The following SUGCT variants were observed in gnomAD, a reference collection of about 807,000 sequenced individuals.
SUGCT encodes succinyl-CoA:glutarate CoA-transferase.
In SUGCT, 41 loss-of-function variants were observed where a neutral mutation model predicts 55.0. That is an observed-to-expected ratio of 0.74 (90% CI 0.58 to 0.97). The LOEUF is 0.97. SUGCT is among the 50% of genes least tolerant of loss of function. The pLI, the probability that SUGCT is intolerant of heterozygous loss-of-function variation, is 0.00. For synonymous variants in SUGCT, 187 were observed against 200.4 expected (o/e 0.93, Z 0.56); for missense variants, 568 against 547.8 (o/e 1.04, Z -0.37).
intron 6 of SUGCT, among the ~76,000 whole-genome samples, chr7:40,214,913 C>CA (rs960681658): frequency 0.023 from 2,466 of 109,106 alleles, 21 homozygotes; most frequent in Non-Finnish European, 0.026. Flanking sequence ...GACTCTGTCT[C>CA]AAAAAAAAAA....
chr7:40,798,080 G>T (rs941004617), intron 13 of SUGCT, among the ~76,000 whole-genome samples: 1 of 152,130 alleles, frequency 6.6e-6, no homozygotes, highest in Non-Finnish European at 1.5e-5. Flanking sequence ...CAGCAACTCT[G>T]ATTGAATCCT....
At chr7:40,213,051 CT>C (rs1307042790) in intron 6 of SUGCT, among the ~76,000 whole-genome samples, 1 of 152,074 alleles carries the variant, frequency 6.6e-6, no homozygotes, top group East Asian at 1.9e-4. Flanking sequence ...TGAAGGTTTT[CT>C]TTCTATAGGT....
chr7:40,346,503 G>A (rs1253628288), intron 9 of SUGCT, among the ~76,000 whole-genome samples: 2 of 152,132 alleles, frequency 1.3e-5, no homozygotes, highest in African/African-American at 2.4e-5. Context: ...CAGTTTTCTG[G>A]TTGTGTGATC....
At chr7:40,888,733 A>G in the SUGCT span, among the ~76,000 whole-genome samples, 2 of 152,198 alleles carry the variant, frequency 1.3e-5, no homozygotes. Flanking sequence ...CAGACCACAG[A>G]TAGGTACTGC....
chr7:40,278,881 C>T (rs1364617870), intron 8 of SUGCT, among the ~76,000 whole-genome samples: 2 of 150,818 alleles, frequency 1.3e-5, no homozygotes, highest in African/African-American at 2.4e-5. Context: ...GGTTGGAATG[C>T]AGTGGTGCAA....
intron 12 of SUGCT, among the ~76,000 whole-genome samples, chr7:40,731,246 C>T (rs1465239429): frequency 2.0e-5 from 3 of 152,112 alleles, no homozygotes; most frequent in South Asian, 2.1e-4. Flanking sequence ...GCTACATGGT[C>T]GAACATAATA....
intron 9 of SUGCT, among the ~76,000 whole-genome samples, chr7:40,344,195 T>C (rs1273653790): frequency 6.6e-6 from 1 of 152,218 alleles, no homozygotes; most frequent in Non-Finnish European, 1.5e-5. Context: ...CATGAGTTCA[T>C]AGAACGATGC....
intron 9 of SUGCT, among the ~76,000 whole-genome samples, chr7:40,425,753 T>G (rs1189960604): frequency 2.6e-5 from 4 of 152,062 alleles, no homozygotes; most frequent in Non-Finnish European, 5.9e-5. Context: ...TGATCTCAGG[T>G]ATGTTCACAT....
At chr7:40,729,307 A>C (rs1786772450) in intron 12 of SUGCT, among the ~76,000 whole-genome samples, 2 of 152,248 alleles carry the variant, frequency 1.3e-5, no homozygotes, top group African/African-American at 4.8e-5. Flanking sequence ...AAGGTCAGTG[A>C]GCATGTCCCC....
chr7:40,768,604 G>A (rs144183718), intron 13 of SUGCT, among the ~76,000 whole-genome samples: 53 of 152,080 alleles, frequency 3.5e-4, no homozygotes, highest in East Asian at 2.9e-3. Flanking sequence ...AATAGCAAAC[G>A]TTGCTTCATA....
intron 12 of SUGCT, among the ~76,000 whole-genome samples, chr7:40,562,848 C>T (rs1795917732): frequency 6.6e-6 from 1 of 152,176 alleles, no homozygotes; most frequent in African/African-American, 2.4e-5. Flanking sequence ...TTAAGAGAAA[C>T]AGTAGAGATT....
At chr7:40,717,419 G>C (rs6462988) in intron 12 of SUGCT, among the ~76,000 whole-genome samples, 24,709 of 152,122 alleles carry the variant, frequency 0.16, 2,195 homozygotes, top group Non-Finnish European at 0.21. Context: ...AGCTCCTCCC[G>C]TGCACAAGGC....
chr7:40,895,906 C>T, the SUGCT span, among the ~76,000 whole-genome samples: 1 of 152,014 alleles, frequency 6.6e-6, no homozygotes, highest in South Asian at 2.1e-4. Context: ...TTTTAATGGC[C>T]AAAAGCTGAA....
At chr7:40,997,946 A>G in the SUGCT span, among the ~76,000 whole-genome samples, 1 of 151,148 alleles carries the variant, frequency 6.6e-6, no homozygotes, top group African/African-American at 2.4e-5. Context: ...TTCATAAGCA[A>G]CCTGCTCAAT....
At chr7:40,638,356 G>A (rs1254260141) in intron 12 of SUGCT, among the ~76,000 whole-genome samples, 1 of 152,146 alleles carries the variant, frequency 6.6e-6, no homozygotes, top group Non-Finnish European at 1.5e-5. Flanking sequence ...ATGCTTCCTT[G>A]ATGAAAGAGA....
At chr7:40,428,087 G>T (rs1354674825) in intron 9 of SUGCT, among the ~76,000 whole-genome samples, 1 of 152,074 alleles carries the variant, frequency 6.6e-6, no homozygotes, top group Non-Finnish European at 1.5e-5. Context: ...CATAATTGCT[G>T]TATCTTCCTG....
intron 12 of SUGCT, among the ~76,000 whole-genome samples, chr7:40,565,177 A>AT (rs1210959297): frequency 1.3e-5 from 2 of 152,154 alleles, no homozygotes; most frequent in Non-Finnish European, 2.9e-5. Context: ...CGTTCTCTCA[A>AT]TTTTTTACCA....
intron 1 of SUGCT, among the ~76,000 whole-genome samples, chr7:40,142,328 A>G (rs897545634): frequency 1.3e-5 from 2 of 152,258 alleles, no homozygotes; most frequent in Non-Finnish European, 1.5e-5. Flanking sequence ...AGAGAAATTT[A>G]GAACTCATAT....
chr7:41,023,814 G>A, the SUGCT span, among the ~76,000 whole-genome samples: 2 of 151,934 alleles, frequency 1.3e-5, no homozygotes, highest in Non-Finnish European at 2.9e-5. Context: ...TTTTGTCTTT[G>A]AAAAGATTTT....
Sources: allele counts gnomAD v4.1 joint callset (sites outside exome capture counted in the v4.1 genomes callset), GRCh38; gene constraint gnomAD v4.1.1; transcripts MANE v1.5; gene names NCBI Gene and HGNC (gene_info 2026-07-23, HGNC 2026-07-21).